COL6A5: variants seen among roughly 807,000 people sequenced by gnomAD.
COL6A5 encodes collagen alpha-5(VI) chain.
Under a neutral mutation model 65.6 loss-of-function variants are expected in COL6A5, and 48 were observed. The ratio of observed to expected loss-of-function variants is 0.73; its 90% CI spans 0.58 to 0.93. The LOEUF is 0.93. Ranked by LOEUF, COL6A5 falls within the 40% of genes least tolerant of loss-of-function variation. The pLI is 0.00. For missense variants in COL6A5, 914 were observed against 928.3 expected, an observed-to-expected ratio of 0.98 and a Z score of 0.20; for synonymous variants, 291 against 322.8, an observed-to-expected ratio of 0.90 and a Z score of 1.05.
rs533865235 is a variant in COL6A5, at chr3:130,418,983, A to C, written c.4950+52A>C. The C allele has an allele frequency of 1.0e-4, 146 of 1,463,964 alleles. 1 individual carries two copies. In the East Asian group the frequency reaches 3.1e-3, roughly 31 times the overall value. 90.7% of individuals were successfully genotyped at this position (1,463,964 alleles called of 1,614,324 possible). A position where few individuals can be genotyped will look rare whatever the true frequency, so the allele number is the denominator to read the frequency against. Reference sequence around the variant, plus strand: ...CCCCAGATCTGGGTATTCAGTTCCAAGGTAAAGAGAAGGGGTTGACACCTT... The same window carrying C: ...CCCCAGATCTGGGTATTCAGTTCCACGGTAAAGAGAAGGGGTTGACACCTT... On this transcript the variant is annotated intron_variant and NMD_transcript_variant, in intron 25 of 41. Transcript: ENST00000312481.
At chr3:130,431,992 G>A in intron 1 of COL6A5, 43 bp downstream of exon 33, 1 of 1,534,702 alleles carries the variant, frequency 6.5e-7, no homozygotes. Context: ...TAAGATAGAG[G>A]TAGGTATTGT....
intron 8 of COL6A5, among the ~76,000 whole-genome samples, chr3:130,396,816 C>G (rs1282742883): frequency 6.6e-6 from 1 of 152,204 alleles, no homozygotes; most frequent in Admixed American, 6.5e-5. Context: ...TTTGTAACCT[C>G]TAAAACTTAA....
chr3:130,431,573 A>G (rs1038271506), exon 1 of COL6A5: 2 of 1,551,516 alleles, frequency 1.3e-6, no homozygotes, highest in Admixed American at 2.0e-5. Flanking sequence ...TCCATTGTCA[A>G]TGACCTTAAC....
At chr3:130,370,680 T>G (rs1559862389) in intron 1 of COL6A5, among the ~76,000 whole-genome samples, 1 of 152,158 alleles carries the variant, frequency 6.6e-6, no homozygotes, top group Non-Finnish European at 1.5e-5. Flanking sequence ...CGAATAGGAA[T>G]GTGAAGTGAA....
chr3:130,464,282 C>T (rs983312777), intron 5 of COL6A5, among the ~76,000 whole-genome samples: 2 of 151,926 alleles, frequency 1.3e-5, no homozygotes, highest in Non-Finnish European at 2.9e-5. Flanking sequence ...TAGAGGCACA[C>T]ACCACTACAC....
intron 7 of COL6A5, among the ~76,000 whole-genome samples, chr3:130,392,527 C>G (rs1220294057): frequency 6.6e-6 from 1 of 152,136 alleles, no homozygotes. Flanking sequence ...GTTATTGGCC[C>G]AGTCCTCCCA....
chr3:130,428,979 G>A (rs188862974), upstream of COL6A5, among the ~76,000 whole-genome samples: 2 of 152,264 alleles, frequency 1.3e-5, no homozygotes, highest in African/African-American at 4.8e-5. Flanking sequence ...ATACTTTCCC[G>A]GATTCCTCTC....
At chr3:130,358,015 C>T (rs893419033) in intron 1 of COL6A5, among the ~76,000 whole-genome samples, 3 of 151,898 alleles carry the variant, frequency 2.0e-5, no homozygotes, top group Non-Finnish European at 4.4e-5. Context: ...TGGTGAAACC[C>T]CGTCTCTACT....
intron 7 of COL6A5, among the ~76,000 whole-genome samples, chr3:130,481,488 T>C (rs1403827186): frequency 6.6e-6 from 1 of 152,170 alleles, no homozygotes; most frequent in Non-Finnish European, 1.5e-5. Context: ...CTATTGTGAA[T>C]AGTGCTGCAG....
chr3:130,388,902 C>CA, exon 6 of COL6A5: 1 of 1,545,578 alleles, frequency 6.5e-7, no homozygotes, highest in South Asian at 1.2e-5. Context: ...GTTTGGGGGC[C>CA]AAAAAATTTC....
At chr3:130,430,114 T>C (rs1937740014), upstream of COL6A5, among the ~76,000 whole-genome samples, 1 of 152,190 alleles carries the variant, frequency 6.6e-6, no homozygotes, top group South Asian at 2.1e-4. Flanking sequence ...AGTGGCTATG[T>C]CAATTTCAAA....
chr3:130,404,912 C>T (rs1237560055), intron 13 of COL6A5, among the ~76,000 whole-genome samples: 1 of 152,224 alleles, frequency 6.6e-6, no homozygotes, highest in Non-Finnish European at 1.5e-5. Flanking sequence ...GTGAAAGACA[C>T]AGTTGGGGTT....
chr3:130,468,974 GC>G lies in COL6A5; in HGVS notation c.1729del (p.Thr578LeufsTer3), dbSNP rs746249938. ...CTCAGTGCTTGATTACTTTCACATTGCCCCCACTCCACTGACCTCCACCTTA... is the reference window on the plus strand; with the variant it reads ...CTCAGTGCTTGATTACTTTCACATTGCCCCACTCCACTGACCTCCACCTTA... On this transcript the variant is annotated frameshift_variant, in exon 6 of 8. Transcript: ENST00000512836. LOFTEE classifies it high-confidence loss of function. 3.1e-6 allele frequency: 5 copies of G among 1,612,486 alleles called. No individual in the cohort carries two copies. Among genetic ancestry groups the G allele is most frequent in the African/African-American group, 1.3e-5 (1 of 74,812 alleles).
exon 9 of COL6A5, chr3:130,397,671 CT>C: frequency 6.4e-7 from 1 of 1,551,700 alleles, no homozygotes; most frequent in South Asian, 1.2e-5. Flanking sequence ...AGCTGGAATC[CT>C]ACCTCCCAGG....
rs1010031946 is a variant in COL6A5 at position 130,444,732 on chromosome 3, C to T, written c.1332+1166C>T. ...AGCCCCCAATAGACTTAATCCAAGTCGTGGGGTTTAATCCATAAAGATTTT... is the reference window on the plus strand; with the variant it reads ...AGCCCCCAATAGACTTAATCCAAGTTGTGGGGTTTAATCCATAAAGATTTT... On this transcript the variant is annotated intron_variant, in intron 4 of 7. Transcript: ENST00000512836. Among the ~76,000 whole-genome samples, 15 of 152,246 alleles carry T rather than the reference C, an allele frequency of 9.9e-5. No homozygotes were observed. In the East Asian group the frequency reaches 2.7e-3, roughly 28 times the overall value.
chr3:130,434,184 G>A (rs2403343), intron 1 of COL6A5, among the ~76,000 whole-genome samples: 93,227 of 151,992 alleles, frequency 0.61, 31,034 homozygotes, highest in Non-Finnish European at 0.76. Flanking sequence ...GAGAACACGC[G>A]GTGTTTGGTT....
Position 130,469,442 on chromosome 3 carries a change from A to G in COL6A5, c.2194A>G (p.Ile732Val), listed in dbSNP as rs1014552995. ...AACCCACAAGCCAGATTGGAACTAT[A>G]TCATCAAGTTTGTCAAGCCATTTGT... Residue 732 changes from isoleucine (I) to valine (V), a missense_variant, in exon 6 of 8, where the codon ATC becomes GTC. Transcript: ENST00000512836. 1.2e-6 allele frequency: 2 copies of G among 1,612,630 alleles called. No individual in the cohort carries two copies. The highest frequency in any genetic ancestry group is 8.5e-7 in the Non-Finnish European group (1 of 1,179,246).
chr3:130,395,118 A>G lies in COL6A5; in HGVS notation c.3221A>G (p.Asn1074Ser), dbSNP rs1936547586. The G allele has an allele frequency of 1.9e-6, 3 of 1,551,728 alleles. No individual in the cohort carries two copies. The highest frequency in any genetic ancestry group is 8.7e-7 in the Non-Finnish European group (1 of 1,146,982). ...ACCCAGTGGAAGACTCAAATTCAGAATGTCTCCAAGAGCGGTGGATTTCCA... is the reference window on the plus strand; with the variant it reads ...ACCCAGTGGAAGACTCAAATTCAGAGTGTCTCCAAGAGCGGTGGATTTCCA... The change falls in exon 8 of 42, where the codon AAT becomes AGT. Residue 1074 changes from asparagine (N) to serine (S), a missense_variant and NMD_transcript_variant. By Grantham distance (46) the Asn-to-Ser change is conservative. Coordinates refer to the COL6A5 transcript ENST00000312481.
At chr3:130,372,290 A>T (rs1377762097) in intron 1 of COL6A5, among the ~76,000 whole-genome samples, 3 of 152,152 alleles carry the variant, frequency 2.0e-5, no homozygotes, top group African/African-American at 7.2e-5. Context: ...AGTTATGATA[A>T]GACCAAATAT....
Sources: gnomAD v4.1 joint callset for allele counts (sites outside exome capture counted in the v4.1 genomes callset) on GRCh38, gnomAD v4.1.1 for gene constraint, MANE v1.5 for transcripts, NCBI Gene and HGNC (gene_info 2026-07-23, HGNC 2026-07-21) for gene names.